Variants in PCDHA4 observed in about 807,000 individuals in gnomAD.
The protein encoded by PCDHA4 is protocadherin alpha-4.
In PCDHA4, 49 loss-of-function variants were observed where a neutral mutation model predicts 61.4. The observed-to-expected ratio is 0.80, with a 90% confidence interval of 0.63 to 1.01. The LOEUF is 1.01. Among genes scored for constraint, PCDHA4 ranks in the 50% least tolerant of loss-of-function variants. PCDHA4 has a pLI of 0.00. For missense variants in PCDHA4, 1,254 were observed against 1,235.8 expected (o/e 1.01, Z -0.22); for synonymous variants, 590 against 550.3 (o/e 1.07, Z -1.01).
In PCDHA4 at chr5:140,820,651, T is replaced by A. The variant is rs2150107466; in HGVS notation, c.2385+11079T>A. On this transcript the variant is annotated intron_variant, in intron 1 of 3. Coordinates refer to ENST00000530339, the MANE Select transcript of PCDHA4 (RefSeq NM_018907.4). ...AGTAAACAGTTGGGAGATTAAAAAG[T>A]AATTAAACTAATATAAAGATAGCCT... Among the ~76,000 whole-genome samples the A allele has an allele frequency of 2.6e-5, 4 of 152,146 alleles. No homozygotes were observed. In the East Asian group the frequency reaches 5.8e-4, roughly 22 times the overall value.
At chr5:140,967,102 G>T (rs1279026258) in intron 1 of PCDHA4, 1 of 1,612,978 alleles carries the variant, frequency 6.2e-7, no homozygotes, top group African/African-American at 1.3e-5. Context: ...CGCTGTGTGA[G>T]CAGCGGCCTC....
At chr5:140,857,488 C>G (rs782255025) in intron 1 of PCDHA4, 2 of 1,598,442 alleles carry the variant, frequency 1.3e-6, no homozygotes, top group South Asian at 2.2e-5. Context: ...CTGCGTGGGA[C>G]GCGGACGCGC....
chr5:140,889,814 CATA>C (rs1463937516), intron 1 of PCDHA4, among the ~76,000 whole-genome samples: 6 of 152,048 alleles, frequency 3.9e-5, no homozygotes, highest in Non-Finnish European at 7.4e-5. Context: ...GAAGTCAGGT[CATA>C]AGAAGTCTTA....
At chr5:140,895,026 A>G (rs549013601) in intron 1 of PCDHA4, among the ~76,000 whole-genome samples, 5 of 152,096 alleles carry the variant, frequency 3.3e-5, no homozygotes, top group African/African-American at 1.2e-4. Flanking sequence ...CCTTTGTTTA[A>G]TTGTCCCCCA....
Position 140,850,846 on chromosome 5 carries a change from A to G in PCDHA4, c.2385+41274A>G, listed in dbSNP as rs1183689960. 8 of 1,596,424 alleles carry G rather than the reference A, an allele frequency of 5.0e-6. 2 individuals carry two copies. Among genetic ancestry groups the G allele is most frequent in the Non-Finnish European group, 6.0e-6 (7 of 1,166,358 alleles). On this transcript the variant is annotated intron_variant, in intron 1 of 3. Coordinates refer to ENST00000530339, the MANE Select transcript of PCDHA4 (RefSeq NM_018907.4). ...CTTTCTCCTTGTGCTGGATCTACAG[A>G]GCGAACGGGAGAACCCTCTGCTTCC...
chr5:140,905,215 AAGGTG>A (rs2071683869), intron 1 of PCDHA4, among the ~76,000 whole-genome samples: 1 of 152,186 alleles, frequency 6.6e-6, no homozygotes, highest in Non-Finnish European at 1.5e-5. Flanking sequence ...ATTTTTGTGT[AAGGTG>A]AGAGATGAGG....
intron 1 of PCDHA4, chr5:140,928,374 C>T (rs782659188): frequency 6.2e-7 from 1 of 1,614,172 alleles, no homozygotes; most frequent in Non-Finnish European, 8.5e-7. Flanking sequence ...GGCCATCAGC[C>T]TCTAGCTTGC....
At chr5:140,949,264 G>T (rs139292588) in intron 1 of PCDHA4, among the ~76,000 whole-genome samples, 2 of 151,666 alleles carry the variant, frequency 1.3e-5, no homozygotes, top group African/African-American at 2.4e-5. Flanking sequence ...AACATATCAC[G>T]TGCACTTGAA....
At chr5:140,908,662 G>C (rs1489476593) in intron 1 of PCDHA4, among the ~76,000 whole-genome samples, 4 of 152,114 alleles carry the variant, frequency 2.6e-5, no homozygotes, top group Non-Finnish European at 4.4e-5. Context: ...CCTGCCAAAG[G>C]CTCCAAATAG....
intron 1 of PCDHA4, chr5:140,862,894 T>A (rs251369): frequency 0.66 from 367,469 of 559,470 alleles, 121,120 homozygotes; most frequent in Middle Eastern, 0.71. Flanking sequence ...AACGACAACT[T>A]TGTCTGCGCT....
intron 1 of PCDHA4, chr5:140,858,328 G>A (rs782462952): frequency 3.1e-6 from 5 of 1,596,534 alleles, no homozygotes; most frequent in East Asian, 2.2e-5. Context: ...GTTCTGGGGA[G>A]GGCCTGCCCA....
rs112292443 is a variant in PCDHA4 at position 140,899,661 on chromosome 5, C to T, written c.2386-79288C>T. Among the ~76,000 whole-genome samples the T allele has an allele frequency of 4.4e-3, 665 of 152,224 alleles. 7 individuals carry two copies. Among genetic ancestry groups the T allele is most frequent in the African/African-American group, 0.015 (620 of 41,530 alleles). ...ATTCTCTTATTTGGTTGTGTCTCTGCCCGGCTTTGGTATCAGGATGATGCT... is the reference window on the plus strand; with the variant it reads ...ATTCTCTTATTTGGTTGTGTCTCTGTCCGGCTTTGGTATCAGGATGATGCT... On this transcript the variant is annotated intron_variant, in intron 1 of 3. Transcript: ENST00000530339.
At chr5:140,976,794 A>T (rs1199342082) in intron 1 of PCDHA4, among the ~76,000 whole-genome samples, 1 of 152,230 alleles carries the variant, frequency 6.6e-6, no homozygotes, top group East Asian at 1.9e-4. Context: ...CTACGCTTTT[A>T]TGAATATCTG....
At chr5:140,929,132 T>C (rs782124526) in intron 1 of PCDHA4, 2 of 1,614,214 alleles carry the variant, frequency 1.2e-6, no homozygotes, top group East Asian at 4.5e-5. Flanking sequence ...GTCACTACAG[T>C]TGAGAGACTT....
In PCDHA4 at chr5:140,850,761, C is replaced by T. The variant is rs2150497421; in HGVS notation, c.2385+41189C>T. ...TTGGTCGTACTCGCAGCAGAGGAGGCAGAGGGTGTGCTCTGGCGAGGGTAA... is the reference window on the plus strand; with the variant it reads ...TTGGTCGTACTCGCAGCAGAGGAGGTAGAGGGTGTGCTCTGGCGAGGGTAA... On this transcript the variant is annotated intron_variant, in intron 1 of 3. Coordinates refer to ENST00000530339, the MANE Select transcript of PCDHA4 (RefSeq NM_018907.4). The T allele has an allele frequency of 1.4e-5, 23 of 1,597,888 alleles. 2 individuals are homozygous for T. In the Admixed American group the frequency reaches 1.5e-4, roughly 11 times the overall value.
chr5:140,896,762 T>C (rs1408695272), intron 1 of PCDHA4, among the ~76,000 whole-genome samples: 1 of 152,224 alleles, frequency 6.6e-6, no homozygotes, highest in Non-Finnish European at 1.5e-5. Context: ...TAGACCTTTG[T>C]TGGATGCATA....
intron 1 of PCDHA4, chr5:140,870,006 G>A (rs1554163702): frequency 1.2e-6 from 2 of 1,613,604 alleles, no homozygotes; most frequent in Non-Finnish European, 1.7e-6. Flanking sequence ...ATGGAGAAGT[G>A]AGGGTCAATG....
At chr5:140,943,509 A>G (rs1053319828) in intron 1 of PCDHA4, among the ~76,000 whole-genome samples, 1 of 152,132 alleles carries the variant, frequency 6.6e-6, no homozygotes, top group East Asian at 1.9e-4. Flanking sequence ...GGTTCATGGA[A>G]ATGTTGAGTT....
chr5:140,828,611 T>A (rs2150157344), intron 1 of PCDHA4: 1 of 1,614,202 alleles, frequency 6.2e-7, no homozygotes, highest in Non-Finnish European at 8.5e-7. Flanking sequence ...TAAACTCAGT[T>A]CTAGCGAATA....
Sources: allele counts gnomAD v4.1 joint callset (sites outside exome capture counted in the v4.1 genomes callset), GRCh38; gene constraint gnomAD v4.1.1; transcripts MANE v1.5; gene names NCBI Gene and HGNC (gene_info 2026-07-23, HGNC 2026-07-21).